Variants in MACF1 observed in about 807,000 individuals in gnomAD.
The protein encoded by MACF1 is microtubule actin crosslinking factor 1, also known as microtubule-actin cross-linking factor 1.
A neutral mutation model predicts 854.8 loss-of-function variants in MACF1; 193 were observed. That is an observed-to-expected ratio of 0.23 (90% CI 0.20 to 0.25). MACF1 has a LOEUF of 0.25. Among genes scored for constraint, MACF1 ranks in the 10% least tolerant of loss-of-function variants. The pLI is 1.00. For synonymous variants in MACF1, 3,185 were observed against 3,226.7 expected, an observed-to-expected ratio of 0.99 and a Z score of 0.44; for missense variants, 7,722 against 8,929.1, an observed-to-expected ratio of 0.86 and a Z score of 5.45.
Position 39,359,061 on chromosome 1 carries a change from GC to G in MACF1, c.12121-79del, listed in dbSNP as rs1183329880. 8 of 1,548,196 alleles carry G rather than the reference GC, an allele frequency of 5.2e-6. No homozygotes were observed. The African/African-American group carries it at 1.1e-4, about 21-fold the overall frequency. ...GTTAAACTTACAATTATTCTGTAAA[GC>G]TGTTCAGTAGCTCCGGATTCCTAGA... is the stretch of plus-strand genomic sequence containing the variant. On this transcript the variant is annotated intron_variant, in intron 46 of 100. Transcript: ENST00000564288.
At position 39,435,724 on chromosome 1, in the gene MACF1, C is replaced by A; in HGVS notation, c.17951C>A (p.Ala5984Asp). The A allele has an allele frequency of 6.2e-7, 1 of 1,614,100 alleles. No homozygotes were observed. Among genetic ancestry groups the A allele is most frequent in the Non-Finnish European group, 8.5e-7 (1 of 1,179,994 alleles). ...ATAAAGGAGGAGGTGCGCCAGCGAG[C>A]CCTGGCTCTGGATGAAGCCGTGTCC... ...AQIKEEVRQR[A>D]LALDEAVSQS... Residue 5984 changes from alanine to aspartate, a missense_variant, in exon 70 of 101, where the codon GCC becomes GAC. By Grantham distance (126) the Ala-to-Asp change is moderately radical (BLOSUM62 -2). Around this residue, in one of 15 missense-constraint regions of MACF1, gnomAD observed 2,807 missense variants for 3,235.8 expected, o/e 0.87. Coordinates refer to ENST00000564288, the MANE Select transcript of MACF1 (RefSeq NM_001394062.1).
intron 97 of MACF1, among the ~76,000 whole-genome samples, chr1:39,472,862 C>T (rs1187829301): frequency 6.6e-6 from 1 of 152,206 alleles, no homozygotes; most frequent in Non-Finnish European, 1.5e-5. Context: ...CATTATTTTT[C>T]ACTTGAGTTT....
chr1:39,105,826 C>A lies in MACF1; in HGVS notation c.220+21388C>A. 1.2e-6 allele frequency: 1 copy of A among 865,750 alleles called. No individual in the cohort carries two copies. The highest frequency in any genetic ancestry group is 1.4e-6 in the Non-Finnish European group (1 of 719,630). 53.6% of individuals were successfully genotyped at this position (865,750 alleles called of 1,614,324 possible). A position where few individuals can be genotyped will look rare whatever the true frequency, so the allele number is the denominator to read the frequency against. ...TGGGGCGGCCGGGCGGGGTCGCACCCACCGCGCGGGGCTTGGCCCTGAGCT... is the reference window on the plus strand; with the variant it reads ...TGGGGCGGCCGGGCGGGGTCGCACCAACCGCGCGGGGCTTGGCCCTGAGCT... On this transcript the variant is annotated intron_variant, in intron 2 of 93. Transcript: ENST00000361689. This position sits in a 1 kb window ranked among gnomAD's most constrained non-coding sequence, Gnocchi z 5.9.
At chr1:39,170,522 A>G (rs897408984) in intron 2 of MACF1, among the ~76,000 whole-genome samples, 2 of 152,254 alleles carry the variant, frequency 1.3e-5, no homozygotes, top group East Asian at 3.8e-4. Flanking sequence ...TTGTTGGTCA[A>G]CAGAATTTGT....
chr1:39,247,615 T>C (rs1412594328), intron 2 of MACF1, among the ~76,000 whole-genome samples: 2 of 152,210 alleles, frequency 1.3e-5, no homozygotes, highest in Non-Finnish European at 2.9e-5. Flanking sequence ...TTGAAATTGG[T>C]TGTATTGGGA....
At chr1:39,442,980 G>C in intron 78 of MACF1, 69 bp downstream of exon 78, 1 of 1,457,390 alleles carries the variant, frequency 6.9e-7, no homozygotes, top group African/African-American at 1.4e-5. Context: ...AAGTCAGAGA[G>C]AAGAGATCAA....
At chr1:39,360,038 TATATATATATATATAC>T (rs1213954769) in intron 47 of MACF1, among the ~76,000 whole-genome samples, 1,106 of 60,926 alleles carry the variant, frequency 0.018, 38 homozygotes, top group African/African-American at 0.031. Flanking sequence ...TATATATATA[TATATATATATATATAC>T]ACACACACAC....
intron 94 of MACF1, 63 bp from the exon 95 acceptor site, chr1:39,465,032 G>A (rs1644635075): frequency 1.4e-6 from 2 of 1,442,726 alleles, no homozygotes; most frequent in African/African-American, 1.4e-5. Flanking sequence ...GTGTTAATTT[G>A]ACAAAATGTT....
intron 68 of MACF1, among the ~76,000 whole-genome samples, chr1:39,433,734 G>A (rs1423131037): frequency 6.6e-6 from 1 of 151,990 alleles, no homozygotes; most frequent in African/African-American, 2.4e-5. Context: ...AACTTGATAG[G>A]CAAAGATTCC....
chr1:39,458,361 G>A lies in MACF1; in HGVS notation c.21076-9G>A. The stretch of plus-strand genomic sequence containing the variant: ...TTTAACTCTTTTTCCTATTTTTTGT[G>A]TTTAACAGACATTTATGGAGGAGAT... On this transcript the variant is annotated splice_polypyrimidine_tract_variant and intron_variant, in intron 89 of 100. Transcript: ENST00000564288. 6.2e-7 allele frequency: 1 copy of A among 1,609,380 alleles called. No homozygotes were observed. The highest frequency in any genetic ancestry group is 8.5e-7 in the Non-Finnish European group (1 of 1,178,624).
At chr1:39,410,869 G>C (rs1221039240) in intron 58 of MACF1, 1 of 1,614,038 alleles carries the variant, frequency 6.2e-7, no homozygotes, top group Non-Finnish European at 8.5e-7. Context: ...CAAATCCATA[G>C]GTATTCCAGA....
chr1:39,223,601 G>A (rs1240411369), intron 1 of MACF1, among the ~76,000 whole-genome samples: 1 of 151,196 alleles, frequency 6.6e-6, no homozygotes, highest in African/African-American at 2.4e-5. Flanking sequence ...TGTGACCTCC[G>A]CCTCCTGGGT....
chr1:39,476,108 G>C (rs1361514410), intron 97 of MACF1, among the ~76,000 whole-genome samples: 1 of 152,048 alleles, frequency 6.6e-6, no homozygotes, highest in African/African-American at 2.4e-5. Flanking sequence ...CACAATAATT[G>C]GCCAGAATGA....
At chr1:39,485,437 T>C (rs1645087872) in intron 100 of MACF1, 101 bp from the exon 101 acceptor site, 12 of 1,319,158 alleles carry the variant, frequency 9.1e-6, no homozygotes, top group African/African-American at 8.9e-5. Context: ...GCTGTGAGAT[T>C]TGCTTAAGAT....
chr1:39,112,752 C>G (rs1642444435), intron 2 of MACF1, among the ~76,000 whole-genome samples: 1 of 152,122 alleles, frequency 6.6e-6, no homozygotes, highest in African/African-American at 2.4e-5. Flanking sequence ...GGCAAATCTT[C>G]TAGAAAAGAA....
chr1:39,353,452 G>T (rs531749980), intron 44 of MACF1, among the ~76,000 whole-genome samples: 1 of 152,074 alleles, frequency 6.6e-6, no homozygotes, highest in Non-Finnish European at 1.5e-5. Context: ...CTTTCCTCTG[G>T]CCAGGTTTTC....
intron 72 of MACF1, among the ~76,000 whole-genome samples, chr1:39,440,145 C>T (rs1157858362): frequency 8.3e-6 from 1 of 121,080 alleles, no homozygotes; most frequent in African/African-American, 3.8e-5. Context: ...CAGGGTCTCA[C>T]TGGGTCACCC....
chr1:39,186,222 G>GTA (rs376401991), intron 2 of MACF1, among the ~76,000 whole-genome samples: 82,310 of 116,520 alleles, frequency 0.71, 28,597 homozygotes, highest in South Asian at 0.82. Context: ...CTCTGTGTGT[G>GTA]TGTGTGTGTG....
chr1:39,144,430 C>G lies in MACF1; in HGVS notation c.220+59992C>G, dbSNP rs550755795. ...TAGCAACTCCATATTCATGAGAACT[C>G]TCATAATCTTCTAGTCAGTAAAAAG... On this transcript the variant is annotated intron_variant, in intron 2 of 93. Transcript: ENST00000361689. 2.0e-4 allele frequency among the ~76,000 whole-genome samples: 30 copies of G among 152,144 alleles called. 1 individual carries two copies. Among genetic ancestry groups the G allele is most frequent in the African/African-American group, 7.2e-4 (30 of 41,504 alleles).
Sources: gnomAD v4.1 joint callset for allele counts (sites outside exome capture counted in the v4.1 genomes callset) on GRCh38, gnomAD v4.1.1 for gene constraint, gnomAD v4.1.1 regional missense constraint, Gnocchi (gnomAD v3.1) non-coding constraint, MANE v1.5 for transcripts, NCBI Gene and HGNC (gene_info 2026-07-23, HGNC 2026-07-21) for gene names.